RIMS1: variants seen among roughly 807,000 people sequenced by gnomAD.
RIMS1 encodes the protein regulating synaptic membrane exocytosis 1, also known as regulating synaptic membrane exocytosis protein 1.
RIMS1 carries 83 observed loss-of-function variants against 214.1 expected under a neutral mutation model. The ratio of observed to expected loss-of-function variants is 0.39; its 90% CI spans 0.32 to 0.47. RIMS1 has a LOEUF of 0.47. Among genes scored for constraint, RIMS1 ranks in the 20% least tolerant of loss-of-function variants. RIMS1 has a pLI of 0.99. For synonymous variants in RIMS1, 793 were observed against 786.8 expected, an observed-to-expected ratio of 1.01 and a Z score of -0.13; for missense variants, 2,050 against 2,161.8, an observed-to-expected ratio of 0.95 and a Z score of 1.03.
At chr6:72,359,181 A>T (rs1303858345) in intron 29 of RIMS1, among the ~76,000 whole-genome samples, 1 of 152,242 alleles carries the variant, frequency 6.6e-6, no homozygotes, top group East Asian at 1.9e-4. Context: ...ACTTACAAAC[A>T]GAAGTGATGT....
At chr6:72,258,037 C>G in intron 16 of RIMS1, 88 bp from the exon 17 acceptor site, 1 of 1,199,544 alleles carries the variant, frequency 8.3e-7, no homozygotes, top group Non-Finnish European at 1.2e-6. Context: ...AGATCAATGG[C>G]TGCTTTAGAA....
In RIMS1 at chr6:72,003,610, C is replaced by CTG. The variant is rs145370139; in HGVS notation, c.245+34565_245+34566dup. Among the ~76,000 whole-genome samples, 666 of 149,164 alleles carry CTG rather than the reference C, an allele frequency of 4.5e-3. 5 individuals are homozygous for CTG. The highest frequency in any genetic ancestry group is 0.012 in the African/African-American group (502 of 40,796). ...TACAATTTTGCTTGCAGGTGTGTGT[C>CTG]TGTGTGTGTGTGTGTGTGTCTGTGT... is the stretch of plus-strand genomic sequence containing the variant. On this transcript the variant is annotated intron_variant, in intron 2 of 33. Coordinates refer to ENST00000521978, the MANE Select transcript of RIMS1 (RefSeq NM_014989.7).
At position 72,303,480 on chromosome 6, in the gene RIMS1, A is replaced by G. The variant is rs181024935; in HGVS notation, c.3851-3778A>G. ...TTAATACTAATACTTTACATTTGAA[A>G]ATTGTAATAATTACAGTACTTTGTA... is the stretch of plus-strand genomic sequence containing the variant. On this transcript the variant is annotated intron_variant, in intron 26 of 33. Transcript: ENST00000521978. Among the ~76,000 whole-genome samples, 8 of 151,396 alleles carry G rather than the reference A, an allele frequency of 5.3e-5. No individual in the cohort carries two copies. In the East Asian group the frequency reaches 9.7e-4, roughly 18 times the overall value.
rs567485415 is a variant in RIMS1, at chr6:72,260,697, C to T, written c.3054-8C>T. 1.9e-6 allele frequency: 3 copies of T among 1,612,232 alleles called. No homozygotes were observed. The highest frequency in any genetic ancestry group is 2.5e-6 in the Non-Finnish European group (3 of 1,178,850). Reference sequence around the variant, plus strand: ...CTGTTTCACTCACCACCCATCCTGTCTGTGCAGTGAGCTTCTTATGCTGCC... The same window carrying T: ...CTGTTTCACTCACCACCCATCCTGTTTGTGCAGTGAGCTTCTTATGCTGCC... On this transcript the variant is annotated splice_polypyrimidine_tract_variant and splice_region_variant and intron_variant, in intron 18 of 33. Transcript: ENST00000521978.
chr6:72,305,145 A>G (rs918589703), intron 26 of RIMS1, among the ~76,000 whole-genome samples: 1 of 152,064 alleles, frequency 6.6e-6, no homozygotes, highest in Non-Finnish European at 1.5e-5. Context: ...ATGCAGCTAT[A>G]GCATAAGCTA....
At chr6:72,353,273 C>T (rs2097526279) in intron 29 of RIMS1, among the ~76,000 whole-genome samples, 1 of 152,094 alleles carries the variant, frequency 6.6e-6, no homozygotes. Flanking sequence ...GCATGAGCCA[C>T]CACGTCCGGC....
At chr6:72,153,622 A>G (rs1478284508) in intron 4 of RIMS1, among the ~76,000 whole-genome samples, 2 of 152,198 alleles carry the variant, frequency 1.3e-5, no homozygotes, top group Non-Finnish European at 2.9e-5. Flanking sequence ...TATAATAATC[A>G]GATAAAACTA....
rs373380300 is a variant in RIMS1, at chr6:72,178,269, T to TA, written c.472-1300dup. On this transcript the variant is annotated intron_variant, in intron 4 of 33. Transcript: ENST00000521978. ...TAATTCACCTGCAGTATTTTCCTTT[T>TA]AAAAAAGTGTATTACTTTTTTCCTG... Among the ~76,000 whole-genome samples, 809 of 152,324 alleles carry TA rather than the reference T, an allele frequency of 5.3e-3. 8 individuals carry two copies. The highest frequency in any genetic ancestry group is 0.019 in the African/African-American group (784 of 41,572).
intron 2 of RIMS1, among the ~76,000 whole-genome samples, chr6:72,033,701 C>T (rs900306397): frequency 1.1e-4 from 17 of 152,056 alleles, no homozygotes; most frequent in Admixed American, 3.3e-4. Context: ...AGACTGGTTT[C>T]GAACTCCTGA....
At chr6:72,338,595 T>A (rs1201163658) in intron 29 of RIMS1, among the ~76,000 whole-genome samples, 1 of 151,952 alleles carries the variant, frequency 6.6e-6, no homozygotes, top group Non-Finnish European at 1.5e-5. Context: ...ATATCCAGCA[T>A]CTACAATGAA....
At chr6:72,271,033 T>C (rs1173182364) in intron 22 of RIMS1, among the ~76,000 whole-genome samples, 1 of 151,958 alleles carries the variant, frequency 6.6e-6, no homozygotes, top group Non-Finnish European at 1.5e-5. Flanking sequence ...TTTGGGAGGC[T>C]GAGGCGGGCA....
rs537159309 is a variant in RIMS1 at position 72,160,693 on chromosome 6, T to G, written c.472-18882T>G. ...TATATGCTGGCTTACGTTTATTGAT[T>G]TTCATATGTTGAACCAGCCTTGCAT... On this transcript the variant is annotated intron_variant, in intron 4 of 33. Coordinates refer to ENST00000521978, the MANE Select transcript of RIMS1 (RefSeq NM_014989.7). 2.1e-5 allele frequency among the ~76,000 whole-genome samples: 3 copies of G among 141,270 alleles called. No individual in the cohort carries two copies. The South Asian group carries it at 7.0e-4, about 33-fold the overall frequency. The allele number at this position is 141,270 out of a possible 152,430, so 92.7% of individuals were successfully genotyped here. A position where few individuals can be genotyped will look rare whatever the true frequency, so the allele number is the denominator to read the frequency against.
chr6:72,079,492 T>C (rs892432447), intron 2 of RIMS1, among the ~76,000 whole-genome samples: 1 of 152,232 alleles, frequency 6.6e-6, no homozygotes. Flanking sequence ...GACACAGTTT[T>C]CTTTGATGTC....
At chr6:72,161,427 T>A (rs1588289700) in intron 4 of RIMS1, among the ~76,000 whole-genome samples, 1 of 140,746 alleles carries the variant, frequency 7.1e-6, no homozygotes, top group Middle Eastern at 3.5e-3. Context: ...TGCCTTCTGT[T>A]AGCTTTTGAA....
chr6:72,203,028 G>A (rs2052300860), intron 6 of RIMS1, among the ~76,000 whole-genome samples: 2 of 151,500 alleles, frequency 1.3e-5, no homozygotes, highest in Admixed American at 6.6e-5. Context: ...TCCCTCTGTC[G>A]CCAGGCCGGA....
chr6:72,213,341 G>A (rs1261741345), intron 6 of RIMS1: 1 of 889,486 alleles, frequency 1.1e-6, no homozygotes, highest in Admixed American at 3.1e-5. Flanking sequence ...TGTGTGTCAG[G>A]TGCACAGTGT....
chr6:72,291,393 A>G (rs1487346835), intron 25 of RIMS1, among the ~76,000 whole-genome samples: 2 of 152,240 alleles, frequency 1.3e-5, no homozygotes. Context: ...AGTGTATTTC[A>G]TAACATATGT....
At chr6:71,952,976 C>CTTTTTTTTT (rs528992913) in intron 1 of RIMS1, among the ~76,000 whole-genome samples, 1 of 139,338 alleles carries the variant, frequency 7.2e-6, no homozygotes, top group Non-Finnish European at 1.6e-5. Context: ...AGAAGCGCAT[C>CTTTTTTTTT]TTTTTTTTTT....
intron 4 of RIMS1, among the ~76,000 whole-genome samples, chr6:72,177,157 G>T (rs1364675772): frequency 2.6e-5 from 4 of 152,056 alleles, no homozygotes; most frequent in Non-Finnish European, 5.9e-5. Flanking sequence ...CTTTGTAATT[G>T]TAAATTTGTG....
Sources: allele counts gnomAD v4.1 joint callset (sites outside exome capture counted in the v4.1 genomes callset), GRCh38; gene constraint gnomAD v4.1.1; transcripts MANE v1.5; gene names NCBI Gene and HGNC (gene_info 2026-07-23, HGNC 2026-07-21).